Variants in HSDL1 observed in about 807,000 individuals in gnomAD.
HSDL1 encodes hydroxysteroid dehydrogenase like 1.
HSDL1 carries 29 observed loss-of-function variants against 31.5 expected under a neutral mutation model. That is an observed-to-expected ratio of 0.92 (90% CI 0.69 to 1.26). The LOEUF (loss-of-function observed/expected upper bound fraction) is 1.26, where lower values mean the gene tolerates loss of function less well. HSDL1 is among the 50% of genes most tolerant of loss of function. HSDL1 has a pLI of 0.00. For synonymous variants in HSDL1, 222 were observed against 155.2 expected (o/e 1.43, Z -3.20); for missense variants, 503 against 416.6 (o/e 1.21, Z -1.81).
At position 84,130,293 on chromosome 16, in the gene HSDL1, TCA is replaced by T; in HGVS notation, c.357_358del (p.Asp120TyrfsTer11). On this transcript the variant is annotated frameshift_variant, in exon 4 of 6. Coordinates refer to ENST00000219439, the MANE Select transcript of HSDL1 (RefSeq NM_031463.5). LOFTEE classifies it high-confidence loss of function. ...GCTGCTGAAGTCCGCAACTATAATA[TCA>T]GTTTCCACTTTGTACGTGTCGGCTA... The T allele has an allele frequency of 6.2e-7, 1 of 1,614,228 alleles. No homozygotes were observed.
intron 2 of HSDL1, among the ~76,000 whole-genome samples, chr16:84,134,544 G>A (rs776242148): frequency 1.2e-3 from 185 of 151,952 alleles, no homozygotes; most frequent in Admixed American, 5.1e-3. Context: ...TCAAGCAGGC[G>A]GAAGTAACAG....
chr16:84,130,199 G>A lies in HSDL1; in HGVS notation c.453C>T (p.Asn151=), dbSNP rs369725503. The A allele has an allele frequency of 2.8e-4, 458 of 1,614,036 alleles. No homozygotes were observed. Among genetic ancestry groups the A allele is most frequent in the Non-Finnish European group, 3.4e-4 (402 of 1,180,040 alleles). The change falls in exon 4 of 6, where the codon AAC becomes AAT. Residue 151 remains asparagine (N), a synonymous_variant. Coordinates refer to ENST00000219439, the MANE Select transcript of HSDL1 (RefSeq NM_031463.5). The stretch of plus-strand genomic sequence containing the variant: ...GCGGGTAGGGATAAAACACACCCAC[G>A]TTATTTACCAAGATGCCAACGTCTT... ...KDKDVGILVN[N]VGVFYPYPQY...
In HSDL1 at chr16:84,131,100, A is replaced by C; in HGVS notation, c.220+2T>G. Reference sequence around the variant, plus strand: ...GATTATTTTGATTATAAAGTAGGTTACCGCTGACAACGGCCCATCTTCCAT... The same window carrying C: ...GATTATTTTGATTATAAAGTAGGTTCCCGCTGACAACGGCCCATCTTCCAT... On this transcript the variant is annotated splice_donor_variant, in intron 3 of 5. Coordinates refer to ENST00000219439, the MANE Select transcript of HSDL1 (RefSeq NM_031463.5). LOFTEE classifies it high-confidence loss of function. The C allele has an allele frequency of 6.2e-7, 1 of 1,602,108 alleles. No individual in the cohort carries two copies. The highest frequency in any genetic ancestry group is 8.5e-7 in the Non-Finnish European group (1 of 1,170,576).
Position 84,124,524 on chromosome 16 carries a change from A to G in HSDL1, c.*106T>C, listed in dbSNP as rs955776448. 5.4e-6 allele frequency: 4 copies of G among 740,460 alleles called. No homozygotes were observed. Among genetic ancestry groups the G allele is most frequent in the Non-Finnish European group, 9.7e-6 (4 of 411,650 alleles). 45.9% of individuals were successfully genotyped at this position (740,460 alleles called of 1,614,324 possible). On this transcript the variant is annotated 3_prime_UTR_variant, in exon 6 of 6. Transcript: ENST00000219439. ...CAAATGACGAATCAACAGTATGCTGAATAATCAGCAATGAAACACAGGAGA... is the reference window on the plus strand; with the variant it reads ...CAAATGACGAATCAACAGTATGCTGGATAATCAGCAATGAAACACAGGAGA...
chr16:84,141,787 T>C (rs1336885364), intron 1 of HSDL1, among the ~76,000 whole-genome samples: 1 of 152,208 alleles, frequency 6.6e-6, no homozygotes, highest in Non-Finnish European at 1.5e-5. Flanking sequence ...GCTTTCTGTG[T>C]TTTGTAATCT....
At position 84,124,061 on chromosome 16, in the gene HSDL1, CCACACACACG is replaced by C. The variant is rs1567516735; in HGVS notation, c.*559_*568del. ...CCATAAATAAAGTTGCTCAAAGGCA[CCACACACACG>C]CACACACACGGTTCTCTAATGAAAT... is the stretch of plus-strand genomic sequence containing the variant. On this transcript the variant is annotated 3_prime_UTR_variant, in exon 6 of 6. Coordinates refer to ENST00000219439, the MANE Select transcript of HSDL1 (RefSeq NM_031463.5). 6.6e-6 allele frequency: 1 copy of C among 152,426 alleles called. No homozygotes were observed. Among genetic ancestry groups the C allele is most frequent in the East Asian group, 1.9e-4 (1 of 5,200 alleles). The allele number at this position is 152,426 out of a possible 1,614,324, so 9.4% of individuals were successfully genotyped here. A position where few individuals can be genotyped will look rare whatever the true frequency, so the allele number is the denominator to read the frequency against.
chr16:84,126,222 A>T (rs1481186144), intron 5 of HSDL1, among the ~76,000 whole-genome samples: 1 of 152,144 alleles, frequency 6.6e-6, no homozygotes, highest in Admixed American at 6.5e-5. Context: ...TATGGAACAA[A>T]GTTCAACAAG....
At chr16:84,130,504 C>A in intron 3 of HSDL1, 73 bp from the exon 4 acceptor site, 2 of 1,281,508 alleles carry the variant, frequency 1.6e-6, no homozygotes, top group African/African-American at 1.5e-5. Context: ...CAAAGTACCC[C>A]CTGTCAGGTT....
Position 84,122,697 on chromosome 16 carries a change from T to A in HSDL1, c.*1933A>T, listed in dbSNP as rs2086566138. On this transcript the variant is annotated 3_prime_UTR_variant, in exon 6 of 6. Coordinates refer to ENST00000219439, the MANE Select transcript of HSDL1 (RefSeq NM_031463.5). Reference sequence around the variant, plus strand: ...TGACACCCCATCCACAGTGGTCCAATCAACTTTCAAATTAGCTCTGGGGAA... The same window carrying A: ...TGACACCCCATCCACAGTGGTCCAAACAACTTTCAAATTAGCTCTGGGGAA... 1 of 152,170 alleles carries A rather than the reference T, an allele frequency of 6.6e-6. No individual in the cohort carries two copies. Among genetic ancestry groups the A allele is most frequent in the South Asian group, 2.1e-4 (1 of 4,830 alleles). 9.4% of individuals were successfully genotyped at this position (152,170 alleles called of 1,614,324 possible). A position where few individuals can be genotyped will look rare whatever the true frequency, so the allele number is the denominator to read the frequency against.
At chr16:84,144,679 G>C (rs2086822045) in intron 1 of HSDL1, among the ~76,000 whole-genome samples, 1 of 152,012 alleles carries the variant, frequency 6.6e-6, no homozygotes, top group Non-Finnish European at 1.5e-5. Flanking sequence ...GAGGAGCCGG[G>C]TGAGAGGCTG....
chr16:84,132,759 T>C (rs942201594), intron 2 of HSDL1, among the ~76,000 whole-genome samples: 7 of 151,842 alleles, frequency 4.6e-5, no homozygotes, highest in African/African-American at 1.7e-4. Context: ...ACAGACCGAG[T>C]GAGTGGACTT....
rs537639820 is a variant in HSDL1 at position 84,129,733 on chromosome 16, C to A, written c.709G>T (p.Ala237Ser). Residue 237 changes from alanine (A) to serine (S), a missense_variant, in exon 5 of 6, where the codon GCC becomes TCC. Transcript: ENST00000219439. The part of the protein sequence containing the change: ...HFSRALQYEY[A>S]SKGIFVQSLI... The stretch of plus-strand genomic sequence containing the variant: ...CTCTGTACAAAGATTCCTTTAGAGG[C>A]ATATTCATATTGCAAGGCTCTGCTG... The A allele has an allele frequency of 4.3e-5, 70 of 1,614,162 alleles. 1 individual carries two copies. The South Asian group carries it at 7.6e-4, about 17-fold the overall frequency.
intron 4 of HSDL1, 39 bp downstream of exon 4, chr16:84,129,947 T>C (rs1197126014): frequency 6.3e-7 from 1 of 1,580,206 alleles, no homozygotes; most frequent in South Asian, 1.1e-5. Flanking sequence ...AAATGTTCTG[T>C]GGCATTAGGA....
chr16:84,131,404 C>T, intron 2 of HSDL1, 77 bp from the exon 3 acceptor site: 1 of 972,908 alleles, frequency 1.0e-6, no homozygotes, highest in East Asian at 2.4e-5. Flanking sequence ...GTGAAGACAT[C>T]CAGCTGAGGG....
Position 84,124,663 on chromosome 16 carries a change from T to A in HSDL1, c.960A>T (p.Ser320=). The change falls in exon 6 of 6, where the codon TCA becomes TCT. Residue 320 remains serine, a synonymous_variant. Coordinates refer to ENST00000219439, the MANE Select transcript of HSDL1 (RefSeq NM_031463.5). ...WVWGANILNR[S]LRKEALSCTA ...TGCAGGATAAGGCTTCCTTACGTAG[T>A]GAACGGTTGAGAATATTTGCTCCCC... The A allele has an allele frequency of 6.2e-7, 1 of 1,613,916 alleles. No homozygotes were observed.
At chr16:84,126,026 C>T (rs543642963) in intron 5 of HSDL1, among the ~76,000 whole-genome samples, 9 of 149,140 alleles carry the variant, frequency 6.0e-5, no homozygotes, top group East Asian at 2.1e-4. Flanking sequence ...TGGTGTGAAC[C>T]GGGGAGGCGG....
At chr16:84,132,946 G>T (rs1355589956) in intron 2 of HSDL1, among the ~76,000 whole-genome samples, 6 of 150,762 alleles carry the variant, frequency 4.0e-5, no homozygotes, top group Non-Finnish European at 8.8e-5. Flanking sequence ...AACTTCTGGG[G>T]GTGGCAACTT....
chr16:84,134,010 G>T (rs2086690525), intron 2 of HSDL1, among the ~76,000 whole-genome samples: 1 of 152,150 alleles, frequency 6.6e-6, no homozygotes, highest in South Asian at 2.1e-4. Context: ...GTTCAACAAA[G>T]TCTTTCTTTT....
intron 1 of HSDL1, among the ~76,000 whole-genome samples, chr16:84,139,774 C>G (rs2086748056): frequency 6.6e-6 from 1 of 152,214 alleles, no homozygotes; most frequent in Admixed American, 6.5e-5. Context: ...CAGAAAGTCT[C>G]AGAGGTTCCT....
Sources: gnomAD v4.1 joint callset for allele counts (sites outside exome capture counted in the v4.1 genomes callset) on GRCh38, gnomAD v4.1.1 for gene constraint, MANE v1.5 for transcripts, NCBI Gene and HGNC (gene_info 2026-07-23, HGNC 2026-07-21) for gene names.